THSD4: variants seen among roughly 807,000 people sequenced by gnomAD.
THSD4 encodes the protein thrombospondin type-1 domain-containing protein 4.
In THSD4, 69 loss-of-function variants were observed where a neutral mutation model predicts 119.0. That is an observed-to-expected ratio of 0.58 (90% CI 0.48 to 0.71). The LOEUF (loss-of-function observed/expected upper bound fraction) is 0.71, where lower values mean the gene tolerates loss of function less well. THSD4 is among the 30% of genes least tolerant of loss of function. The pLI is 0.00. For missense variants in THSD4, 1,393 were observed against 1,391.1 expected, an observed-to-expected ratio of 1.00 and a Z score of -0.02; for synonymous variants, 524 against 540.4, an observed-to-expected ratio of 0.97 and a Z score of 0.42.
chr15:71,361,855 C>A lies in THSD4; in HGVS notation c.1016-49832C>A, dbSNP rs1037459913. 1.3e-5 allele frequency among the ~76,000 whole-genome samples: 2 copies of A among 151,734 alleles called. 1 individual carries two copies. Among genetic ancestry groups the A allele is most frequent in the Non-Finnish European group, 2.9e-5 (2 of 67,942 alleles). ...TGTATGTGCTGATCTGGACGAGTCA[C>A]CAAAATAAAGTGTTGAGTGAACACC... On this transcript the variant is annotated intron_variant, in intron 6 of 17. Coordinates refer to ENST00000261862, the MANE Select transcript of THSD4 (RefSeq NM_024817.3).
At chr15:71,663,002 G>A (rs115392369) in intron 8 of THSD4, among the ~76,000 whole-genome samples, 373 of 152,192 alleles carry the variant, frequency 2.5e-3, no homozygotes, top group African/African-American at 8.4e-3. Flanking sequence ...TAAGCCCAGC[G>A]CTGTGGGAGG....
intron 7 of THSD4, among the ~76,000 whole-genome samples, chr15:71,585,686 T>A (rs2140858918): frequency 6.6e-6 from 1 of 152,356 alleles, no homozygotes; most frequent in South Asian, 2.1e-4. Context: ...TTTCTCTTTC[T>A]CTGCTCCTTC....
chr15:71,662,695 G>T (rs376165462), intron 8 of THSD4, among the ~76,000 whole-genome samples: 16 of 152,154 alleles, frequency 1.1e-4, no homozygotes, highest in African/African-American at 3.9e-4. Flanking sequence ...CTGGATGTCT[G>T]AATGGAGGAA....
At chr15:71,704,070 A>T (rs576781578) in intron 8 of THSD4, among the ~76,000 whole-genome samples, 1 of 152,006 alleles carries the variant, frequency 6.6e-6, no homozygotes, top group Non-Finnish European at 1.5e-5. Context: ...GAATGGTCTC[A>T]ATCTCCTGAC....
intron 6 of THSD4, among the ~76,000 whole-genome samples, chr15:71,359,964 A>G (rs1452467075): frequency 6.6e-6 from 1 of 152,176 alleles, no homozygotes; most frequent in Non-Finnish European, 1.5e-5. Context: ...TTGCTGTATA[A>G]CAGACCACCC....
At chr15:71,531,470 A>T (rs2140814244) in intron 7 of THSD4, among the ~76,000 whole-genome samples, 1 of 152,358 alleles carries the variant, frequency 6.6e-6, no homozygotes, top group South Asian at 2.1e-4. Flanking sequence ...AATTCAAGAC[A>T]CATTTCAAAA....
rs1364502550 is a variant in THSD4 at position 71,777,279 on chromosome 15, G to A, written c.2962G>A (p.Ala988Thr). Reference protein sequence around the residue: ...KYYNCNVVVQARLCVYNYYKT... With the variant: ...KYYNCNVVVQTRLCVYNYYKT... ...CTACAACTGCAACGTGGTGGTCCAG[G>A]CAAGACTCTGTGTCTACAACTACTA... The change falls in exon 18 of 18, where the codon GCA (alanine) becomes ACA (threonine). Residue 988 changes from alanine (A) to threonine (T), a missense_variant. Coordinates refer to ENST00000261862, the MANE Select transcript of THSD4 (RefSeq NM_024817.3). 1.2e-6 allele frequency: 2 copies of A among 1,614,232 alleles called. No homozygotes were observed. The highest frequency in any genetic ancestry group is 1.7e-6 in the Non-Finnish European group (2 of 1,180,042).
intron 6 of THSD4, among the ~76,000 whole-genome samples, chr15:71,367,205 A>G (rs895822471): frequency 2.7e-5 from 4 of 149,302 alleles, no homozygotes; most frequent in African/African-American, 1.0e-4. Context: ...CAATTACCTC[A>G]TGCTAGGCTC....
At chr15:71,542,044 G>C (rs1567027918) in intron 7 of THSD4, among the ~76,000 whole-genome samples, 1 of 152,218 alleles carries the variant, frequency 6.6e-6, no homozygotes, top group Admixed American at 6.5e-5. Context: ...TTAAGGAGCA[G>C]AGGAGTAAAA....
intron 6 of THSD4, among the ~76,000 whole-genome samples, chr15:71,383,095 C>G (rs1317164375): frequency 1.3e-5 from 2 of 152,136 alleles, no homozygotes; most frequent in Non-Finnish European, 2.9e-5. Context: ...GATTATTGCC[C>G]TAAGTGATTT....
intron 7 of THSD4, among the ~76,000 whole-genome samples, chr15:71,465,964 T>A (rs2047493576): frequency 6.6e-6 from 1 of 152,096 alleles, no homozygotes; most frequent in South Asian, 2.1e-4. Context: ...GAGAAGAGGA[T>A]CTGGCTGACT....
intron 9 of THSD4, chr15:71,729,686 A>C (rs1595896428): frequency 2.6e-5 from 4 of 152,048 alleles, no homozygotes; most frequent in South Asian, 4.1e-4. Flanking sequence ...ATCAGAGGTA[A>C]AAACTCAGGT....
intron 4 of THSD4, among the ~76,000 whole-genome samples, chr15:71,242,123 T>A (rs936049398): frequency 1.3e-5 from 2 of 152,202 alleles, no homozygotes; most frequent in African/African-American, 4.8e-5. Context: ...AGAATTTGGT[T>A]GCTTATCTAA....
In THSD4 at chr15:71,242,634, T is replaced by G. The variant is rs967044907; in HGVS notation, c.465-15T>G. The G allele has an allele frequency of 1.7e-5, 27 of 1,609,050 alleles. No homozygotes were observed. The highest frequency in any genetic ancestry group is 2.3e-5 in the Non-Finnish European group (27 of 1,176,252). On this transcript the variant is annotated splice_polypyrimidine_tract_variant and intron_variant, in intron 4 of 17. Coordinates refer to ENST00000261862, the MANE Select transcript of THSD4 (RefSeq NM_024817.3). ...CCGACTCTGATCATCTCCTCTCTTG[T>G]CTATCTCTCTTTAGGAGCAGGACCC...
At chr15:71,547,455 G>A in intron 7 of THSD4, 2 of 1,550,462 alleles carry the variant, frequency 1.3e-6, no homozygotes, top group Non-Finnish European at 1.7e-6. Flanking sequence ...CGTTCAAACA[G>A]CAGTGTTAGC....
At chr15:71,200,555 G>C (rs1215286572) in intron 3 of THSD4, among the ~76,000 whole-genome samples, 1 of 152,174 alleles carries the variant, frequency 6.6e-6, no homozygotes, top group South Asian at 2.1e-4. Context: ...GTTCCTGAGA[G>C]GTCTTGGGCT....
At chr15:71,468,977 T>C (rs1040100783) in intron 7 of THSD4, among the ~76,000 whole-genome samples, 3 of 152,212 alleles carry the variant, frequency 2.0e-5, no homozygotes, top group African/African-American at 7.2e-5. Flanking sequence ...TGGGCAGGTA[T>C]TTGCGTGTCT....
chr15:71,395,895 T>G (rs1443070443), intron 6 of THSD4, among the ~76,000 whole-genome samples: 1 of 148,136 alleles, frequency 6.8e-6, no homozygotes, highest in Non-Finnish European at 1.5e-5. Context: ...CAAGTCTGCT[T>G]CTCAGTGTTT....
intron 4 of THSD4, among the ~76,000 whole-genome samples, chr15:71,240,687 A>C (rs1156980982): frequency 6.6e-6 from 1 of 152,138 alleles, no homozygotes; most frequent in Non-Finnish European, 1.5e-5. Context: ...TTAAAAAAAC[A>C]CACATACGCA....
Sources: gnomAD v4.1 joint callset for allele counts (sites outside exome capture counted in the v4.1 genomes callset) on GRCh38, gnomAD v4.1.1 for gene constraint, MANE v1.5 for transcripts, NCBI Gene and HGNC (gene_info 2026-07-23, HGNC 2026-07-21) for gene names.